Variants in SCGB2B2 observed in about 807,000 individuals in gnomAD.
The protein encoded by SCGB2B2 is secretoglobin family 2B member 2.
In SCGB2B2, 11 loss-of-function variants were observed where a neutral mutation model predicts 7.6. The observed-to-expected ratio is 1.45, with a 90% confidence interval of 0.91 to 2.40. The LOEUF (loss-of-function observed/expected upper bound fraction) is 2.40. Ranked by LOEUF, SCGB2B2 falls within the 30% of genes most tolerant of loss-of-function variation. The pLI, the probability that SCGB2B2 is intolerant of heterozygous loss-of-function variation, is 0.00. For missense variants in SCGB2B2, 104 were observed against 115.4 expected (o/e 0.90, Z 0.45); for synonymous variants, 50 against 48.6 (o/e 1.03, Z -0.12).
intron 1 of SCGB2B2, among the ~76,000 whole-genome samples, chr19:34,622,027 A>G (rs1468585349): frequency 6.6e-6 from 1 of 152,204 alleles, no homozygotes; most frequent in East Asian, 1.9e-4. Flanking sequence ...TTCTCTTAGA[A>G]GACAGCAGTT....
intron 1 of SCGB2B2, among the ~76,000 whole-genome samples, chr19:34,609,928 C>T (rs2065884175): frequency 6.6e-6 from 1 of 152,058 alleles, no homozygotes. Context: ...CTCATTTTTA[C>T]AACATTAATT....
At chr19:34,653,206 G>T (rs919390855) in intron 1 of SCGB2B2, among the ~76,000 whole-genome samples, 3 of 151,174 alleles carry the variant, frequency 2.0e-5, no homozygotes, top group Admixed American at 1.3e-4. Flanking sequence ...GCAGGAAGTA[G>T]TTGGGGGAGG....
chr19:34,665,896 T>C (rs11881026), intron 1 of SCGB2B2, among the ~76,000 whole-genome samples: 4,967 of 152,054 alleles, frequency 0.033, 247 homozygotes, highest in African/African-American at 0.11. Context: ...GCTCCACCTG[T>C]AGCTGTGCAA....
intron 1 of SCGB2B2, among the ~76,000 whole-genome samples, chr19:34,643,982 G>T (rs2066918852): frequency 6.6e-6 from 1 of 152,114 alleles, no homozygotes; most frequent in South Asian, 2.1e-4. Context: ...GGTAATTACA[G>T]TGTACTATAT....
At chr19:34,608,313 T>C (rs1054407265) in intron 1 of SCGB2B2, among the ~76,000 whole-genome samples, 29 of 152,146 alleles carry the variant, frequency 1.9e-4, no homozygotes, top group African/African-American at 6.5e-4. Context: ...TTTTGTATCC[T>C]GCAACATTAC....
At chr19:34,636,188 G>C (rs990738896) in intron 1 of SCGB2B2, among the ~76,000 whole-genome samples, 1 of 152,188 alleles carries the variant, frequency 6.6e-6, no homozygotes, top group East Asian at 1.9e-4. Context: ...TGGGTTCATT[G>C]CAAGACTCCT....
chr19:34,662,959 C>CAAAAA (rs200722278), intron 1 of SCGB2B2, among the ~76,000 whole-genome samples: 1 of 147,636 alleles, frequency 6.8e-6, no homozygotes, highest in African/African-American at 2.6e-5. Flanking sequence ...AACAAACAAA[C>CAAAAA]AAAAAAAAAC....
In SCGB2B2 at chr19:34,616,945, C is replaced by A. The variant is rs1488926929; in HGVS notation, c.-2031-20351G>T. ...CAGCACCATTTATTAAACAGGGAAT[C>A]CTTTCCCCATTGCTTGTTTTTCTTA... On this transcript the variant is annotated intron_variant, in intron 1 of 3. Transcript: ENST00000601241. Among the ~76,000 whole-genome samples the A allele has an allele frequency of 3.3e-5, 5 of 152,324 alleles. No homozygotes were observed. The South Asian group carries it at 6.2e-4, about 19-fold the overall frequency.
chr19:34,626,203 C>G (rs904098618), intron 1 of SCGB2B2, among the ~76,000 whole-genome samples: 5 of 152,218 alleles, frequency 3.3e-5, no homozygotes, highest in African/African-American at 7.2e-5. Flanking sequence ...CAGAGTGCCT[C>G]TCCTCCTCCA....
At chr19:34,648,451 C>A (rs1288518378) in intron 1 of SCGB2B2, among the ~76,000 whole-genome samples, 1 of 152,160 alleles carries the variant, frequency 6.6e-6, no homozygotes, top group Non-Finnish European at 1.5e-5. Context: ...AAAAGCATTT[C>A]ACATGTGTTT....
intron 1 of SCGB2B2, among the ~76,000 whole-genome samples, chr19:34,644,447 T>C (rs763401591): frequency 2.0e-5 from 3 of 151,586 alleles, no homozygotes; most frequent in Non-Finnish European, 2.9e-5. Context: ...TGGCATTAAG[T>C]AAATTCTCAA....
At chr19:34,609,724 G>A (rs2065878829) in intron 1 of SCGB2B2, among the ~76,000 whole-genome samples, 1 of 151,972 alleles carries the variant, frequency 6.6e-6, no homozygotes, top group South Asian at 2.1e-4. Context: ...AAAAACTATA[G>A]CTTTATAGTC....
At chr19:34,664,989 C>T (rs2067573752) in intron 1 of SCGB2B2, among the ~76,000 whole-genome samples, 1 of 152,212 alleles carries the variant, frequency 6.6e-6, no homozygotes, top group East Asian at 1.9e-4. Context: ...GTGTTTGGCA[C>T]AGGGGACGCC....
chr19:34,673,925 C>T (rs562504574), intron 1 of SCGB2B2, among the ~76,000 whole-genome samples: 4 of 152,168 alleles, frequency 2.6e-5, no homozygotes, highest in Non-Finnish European at 5.9e-5. Context: ...GCTTCCCTAA[C>T]GATGGGGCAT....
At chr19:34,593,964 T>C (rs1354776365) in intron 3 of SCGB2B2, among the ~76,000 whole-genome samples, 1 of 151,852 alleles carries the variant, frequency 6.6e-6, no homozygotes, top group Non-Finnish European at 1.5e-5. Flanking sequence ...GTTCTCCCCT[T>C]GCAGAGTTGC....
intron 1 of SCGB2B2, among the ~76,000 whole-genome samples, chr19:34,668,991 T>G (rs1162547331): frequency 1.3e-5 from 2 of 152,110 alleles, no homozygotes; most frequent in Non-Finnish European, 2.9e-5. Flanking sequence ...AGCTTTGTTC[T>G]TTTGCTCTTT....
intron 1 of SCGB2B2, among the ~76,000 whole-genome samples, chr19:34,638,408 A>C (rs183754464): frequency 5.9e-5 from 9 of 151,880 alleles, no homozygotes; most frequent in Non-Finnish European, 8.8e-5. Flanking sequence ...GCGTCACTGC[A>C]CTCCAGCCTG....
intron 1 of SCGB2B2, among the ~76,000 whole-genome samples, chr19:34,620,813 A>G (rs1437236658): frequency 1.3e-5 from 2 of 152,208 alleles, no homozygotes; most frequent in East Asian, 3.8e-4. Context: ...ACATCACACC[A>G]TTTGGCAATA....
At chr19:34,650,045 C>T (rs1447355383) in intron 1 of SCGB2B2, among the ~76,000 whole-genome samples, 1 of 151,264 alleles carries the variant, frequency 6.6e-6, no homozygotes, top group Non-Finnish European at 1.5e-5. Flanking sequence ...CGTAAATGCC[C>T]TATGTGTCTC....
Sources: allele counts gnomAD v4.1 joint callset (sites outside exome capture counted in the v4.1 genomes callset), GRCh38; gene constraint gnomAD v4.1.1; transcripts MANE v1.5; gene names NCBI Gene and HGNC (gene_info 2026-07-23, HGNC 2026-07-21).